The following SIK3 variants were observed in gnomAD, a reference collection of about 807,000 sequenced individuals.
SIK3 encodes serine/threonine-protein kinase SIK3.
A neutral mutation model predicts 144.2 loss-of-function variants in SIK3; 28 were observed. That is an observed-to-expected ratio of 0.19 (90% confidence interval 0.14 to 0.27). SIK3 has a LOEUF of 0.27. SIK3 is among the 10% of genes least tolerant of loss of function. The pLI is 1.00. For synonymous variants in SIK3, 686 were observed against 676.3 expected, an observed-to-expected ratio of 1.01 and a Z score of -0.22; for missense variants, 1,319 against 1,776.0, an observed-to-expected ratio of 0.74 and a Z score of 4.62.
intron 1 of SIK3, among the ~76,000 whole-genome samples, chr11:116,969,317 T>C (rs12279266): frequency 0.072 from 10,189 of 141,746 alleles, 445 homozygotes; most frequent in Middle Eastern, 0.12. Context: ...AAAAAAGACA[T>C]ATTTGCATAA....
At position 116,893,457 on chromosome 11, in the gene SIK3, G is replaced by A. The variant is rs192484667; in HGVS notation, c.865+2796C>T. ...TTTGGGAGGCCAAGGCAGGCAGATC[G>A]CCTGAACTCAAGAGTTTGAGATCAG... On this transcript the variant is annotated intron_variant, in intron 6 of 24. Coordinates refer to ENST00000445177, the MANE Select transcript of SIK3 (RefSeq NM_001366686.3). Among the ~76,000 whole-genome samples the A allele has an allele frequency of 2.0e-3, 300 of 151,976 alleles. 3 individuals carry two copies. The highest frequency in any genetic ancestry group is 6.7e-3 in the African/African-American group (279 of 41,442).
At chr11:117,093,817 G>A (rs1344037487) in intron 1 of SIK3, among the ~76,000 whole-genome samples, 1 of 151,818 alleles carries the variant, frequency 6.6e-6, no homozygotes, top group African/African-American at 2.4e-5. Flanking sequence ...TTTTTACCAG[G>A]AAAGTCTATC....
chr11:117,017,198 A>G (rs1048130933), intron 1 of SIK3, among the ~76,000 whole-genome samples: 1 of 152,242 alleles, frequency 6.6e-6, no homozygotes, highest in Non-Finnish European at 1.5e-5. Context: ...CCAAGGCTGC[A>G]GTAAGCCATA....
In SIK3 at chr11:117,098,141, A is replaced by C; in HGVS notation, c.273+2T>G. Reference sequence around the variant, plus strand: ...ACTGCCGCCTGGCCCCTGCGCCGGTACCTTGGCCTTGGTGACGAGGTGCGT... The same window carrying C: ...ACTGCCGCCTGGCCCCTGCGCCGGTCCCTTGGCCTTGGTGACGAGGTGCGT... On this transcript the variant is annotated splice_donor_variant, in intron 1 of 24. Transcript: ENST00000445177. LOFTEE classifies it high-confidence loss of function. 6.7e-7 allele frequency: 1 copy of C among 1,484,106 alleles called. No homozygotes were observed. The highest frequency in any genetic ancestry group is 9.0e-7 in the Non-Finnish European group (1 of 1,115,274). 91.9% of individuals were successfully genotyped at this position (1,484,106 alleles called of 1,614,324 possible).
chr11:116,946,931 T>C (rs1591396026), intron 3 of SIK3, among the ~76,000 whole-genome samples: 1 of 151,454 alleles, frequency 6.6e-6, no homozygotes, highest in East Asian at 1.9e-4. Flanking sequence ...CTGGCTAACA[T>C]GGTGAAAACC....
intron 6 of SIK3, among the ~76,000 whole-genome samples, chr11:116,884,958 T>C (rs1430710001): frequency 6.6e-6 from 1 of 152,256 alleles, no homozygotes; most frequent in Non-Finnish European, 1.5e-5. Context: ...TATTTTCAGT[T>C]GCTCGGGGGA....
chr11:116,964,398 T>G (rs1328694623), intron 1 of SIK3, among the ~76,000 whole-genome samples: 2 of 152,048 alleles, frequency 1.3e-5, no homozygotes, highest in Non-Finnish European at 2.9e-5. Flanking sequence ...AAAGAACAGG[T>G]TATTCTATTC....
chr11:117,062,493 A>G (rs552413093), intron 1 of SIK3, among the ~76,000 whole-genome samples: 6 of 152,230 alleles, frequency 3.9e-5, no homozygotes, highest in East Asian at 1.9e-4. Context: ...ATTTAACAAC[A>G]TAACACCAAA....
At chr11:116,964,036 G>A (rs921057230) in intron 1 of SIK3, among the ~76,000 whole-genome samples, 2 of 152,108 alleles carry the variant, frequency 1.3e-5, no homozygotes, top group Non-Finnish European at 2.9e-5. Flanking sequence ...AGATCCTAAC[G>A]TCTGCACTGT....
At chr11:116,891,696 ATG>A (rs369800282) in intron 6 of SIK3, among the ~76,000 whole-genome samples, 14 of 151,904 alleles carry the variant, frequency 9.2e-5, no homozygotes, top group Admixed American at 2.6e-4. Flanking sequence ...ATGTACGTGT[ATG>A]TGTGTGTGTG....
At chr11:117,026,898 G>A (rs1290619477) in intron 1 of SIK3, among the ~76,000 whole-genome samples, 1 of 152,112 alleles carries the variant, frequency 6.6e-6, no homozygotes, top group Non-Finnish European at 1.5e-5. Context: ...AAAAAAGAAT[G>A]GAGAAAATAA....
At chr11:117,004,157 G>C (rs1346461116) in intron 1 of SIK3, among the ~76,000 whole-genome samples, 1 of 152,272 alleles carries the variant, frequency 6.6e-6, no homozygotes, top group East Asian at 1.9e-4. Flanking sequence ...AACTAAGACA[G>C]GACTGATCCT....
At chr11:117,061,663 G>A (rs371564676) in intron 1 of SIK3, among the ~76,000 whole-genome samples, 2 of 152,154 alleles carry the variant, frequency 1.3e-5, no homozygotes, top group African/African-American at 4.8e-5. Flanking sequence ...CAGACTCTCA[G>A]GCCACTCCAG....
chr11:116,987,321 T>TA (rs35342917), intron 1 of SIK3, among the ~76,000 whole-genome samples: 6,814 of 137,256 alleles, frequency 0.05, 207 homozygotes, highest in Non-Finnish European at 0.055. Context: ...CATAAAAGAT[T>TA]AAAAAAAAAA....
intron 1 of SIK3, among the ~76,000 whole-genome samples, chr11:116,980,684 C>G (rs1950109699): frequency 6.6e-6 from 1 of 152,074 alleles, no homozygotes; most frequent in African/African-American, 2.4e-5. Context: ...AAAACCCTGT[C>G]TCTACTAAAA....
chr11:116,870,996 C>T (rs142839861), intron 13 of SIK3, among the ~76,000 whole-genome samples: 3 of 152,246 alleles, frequency 2.0e-5, no homozygotes, highest in Admixed American at 6.5e-5. Flanking sequence ...ATGTGATTTC[C>T]GGAGTTTAAA....
At chr11:117,094,516 G>A (rs553561856) in intron 1 of SIK3, among the ~76,000 whole-genome samples, 1 of 152,266 alleles carries the variant, frequency 6.6e-6, no homozygotes, top group Non-Finnish European at 1.5e-5. Flanking sequence ...GCTGAGGCAG[G>A]AGGATCTCTT....
chr11:116,960,513 A>G (rs1201554997), intron 1 of SIK3, among the ~76,000 whole-genome samples: 2 of 152,160 alleles, frequency 1.3e-5, no homozygotes, highest in Non-Finnish European at 2.9e-5. Context: ...AGAATGAGAC[A>G]CTTTCTCCAA....
chr11:117,085,731 G>C (rs908263811), intron 1 of SIK3, among the ~76,000 whole-genome samples: 5 of 151,982 alleles, frequency 3.3e-5, no homozygotes, highest in African/African-American at 9.7e-5. Context: ...ATGCCTGTAA[G>C]CCTAGCACTT....
Sources: gnomAD v4.1 joint callset for allele counts (sites outside exome capture counted in the v4.1 genomes callset) on GRCh38, gnomAD v4.1.1 for gene constraint, MANE v1.5 for transcripts, NCBI Gene and HGNC (gene_info 2026-07-23, HGNC 2026-07-21) for gene names.